C8orf34: variants seen among roughly 807,000 people sequenced by gnomAD.
C8orf34 encodes chromosome 8 open reading frame 34, also known as uncharacterized protein C8orf34.
A neutral mutation model predicts 68.3 loss-of-function variants in C8orf34; 65 were observed. The observed-to-expected ratio is 0.95, with a 90% CI of 0.78 to 1.17. The LOEUF is 1.17. Ranked by LOEUF, C8orf34 falls within the 50% of genes most tolerant of loss-of-function variation. The pLI is 0.00. For missense variants in C8orf34, 664 were observed against 655.4 expected (o/e 1.01, Z -0.14); for synonymous variants, 244 against 241.2 (o/e 1.01, Z -0.11).
In C8orf34 at chr8:68,351,941, T is replaced by G. The variant is rs561995684; in HGVS notation, c.327+20602T>G. 2.0e-5 allele frequency among the ~76,000 whole-genome samples: 3 copies of G among 152,194 alleles called. No homozygotes were observed. The South Asian group carries it at 6.2e-4, about 32-fold the overall frequency. ...ATTGTTTTAATTTATAATTCCCTAA[T>G]GGCATATGATGTTGAACATCTTTTC... On this transcript the variant is annotated intron_variant, in intron 1 of 13. Transcript: ENST00000518698.
At chr8:68,564,372 T>C (rs1816522549) in intron 7 of C8orf34, among the ~76,000 whole-genome samples, 1 of 152,242 alleles carries the variant, frequency 6.6e-6, no homozygotes, top group Admixed American at 6.5e-5. Context: ...AGGAATTTTC[T>C]AGTCAGGCCA....
intron 8 of C8orf34, among the ~76,000 whole-genome samples, chr8:68,651,062 T>C (rs181076022): frequency 6.6e-6 from 1 of 152,336 alleles, no homozygotes; most frequent in East Asian, 1.9e-4. Flanking sequence ...TTTTACCCTC[T>C]CTATCTGCCT....
chr8:68,624,910 C>CTTTTTT (rs5892154), intron 7 of C8orf34, among the ~76,000 whole-genome samples: 1 of 143,712 alleles, frequency 7.0e-6, no homozygotes, highest in Non-Finnish European at 1.5e-5. Flanking sequence ...TAATTTCTTG[C>CTTTTTT]TTTTTTTTTT....
intron 1 of C8orf34, among the ~76,000 whole-genome samples, chr8:68,341,082 C>T (rs375652217): frequency 6.6e-6 from 1 of 152,160 alleles, no homozygotes; most frequent in African/African-American, 2.4e-5. Flanking sequence ...ACTTATAAAC[C>T]ATAGAAATTT....
chr8:68,814,507 A>T (rs1015382512), intron 12 of C8orf34, among the ~76,000 whole-genome samples: 4 of 152,184 alleles, frequency 2.6e-5, no homozygotes, highest in Admixed American at 6.6e-5. Flanking sequence ...TCCAGCATCT[A>T]CCTTCCATAT....
At chr8:68,653,840 A>G (rs1819434352) in intron 8 of C8orf34, among the ~76,000 whole-genome samples, 1 of 152,172 alleles carries the variant, frequency 6.6e-6, no homozygotes, top group Admixed American at 6.5e-5. Flanking sequence ...CATTTCGTCT[A>G]TAATAGCTAC....
At chr8:68,658,380 G>T (rs768800684) in intron 8 of C8orf34, among the ~76,000 whole-genome samples, 27 of 152,032 alleles carry the variant, frequency 1.8e-4, no homozygotes, top group Non-Finnish European at 3.8e-4. Context: ...GGCCATCATT[G>T]TTGCTGGTGG....
chr8:68,796,816 G>GT (rs34422477), intron 12 of C8orf34, among the ~76,000 whole-genome samples: 27,271 of 143,022 alleles, frequency 0.19, 3,335 homozygotes, highest in African/African-American at 0.35. Flanking sequence ...ATATATTTGA[G>GT]TTCTTCTTTT....
chr8:68,349,459 G>A (rs147273371), intron 1 of C8orf34, among the ~76,000 whole-genome samples: 57 of 151,918 alleles, frequency 3.8e-4, no homozygotes, highest in African/African-American at 1.3e-3. Context: ...GTCTTTGCCA[G>A]GTTTTAGTAT....
chr8:68,584,951 G>C (rs1197156180), intron 7 of C8orf34, among the ~76,000 whole-genome samples: 1 of 152,134 alleles, frequency 6.6e-6, no homozygotes, highest in Non-Finnish European at 1.5e-5. Flanking sequence ...CCATGGAAAT[G>C]TAGTGATATG....
chr8:68,404,478 G>C (rs1033048325), intron 1 of C8orf34, among the ~76,000 whole-genome samples: 1 of 151,988 alleles, frequency 6.6e-6, no homozygotes, highest in East Asian at 1.9e-4. Context: ...GTATTGCCTC[G>C]GTTTTCTTCT....
chr8:68,442,842 T>C (rs1810968680), intron 2 of C8orf34, among the ~76,000 whole-genome samples: 2 of 152,158 alleles, frequency 1.3e-5, no homozygotes, highest in Non-Finnish European at 2.9e-5. Flanking sequence ...TATAGTTTCT[T>C]TCAAGTTGTT....
At chr8:68,376,142 G>A (rs1177557854) in intron 1 of C8orf34, among the ~76,000 whole-genome samples, 1 of 144,800 alleles carries the variant, frequency 6.9e-6, no homozygotes, top group African/African-American at 2.7e-5. Flanking sequence ...TGTTGTATGA[G>A]TGAAGGAAGG....
At chr8:68,758,865 T>C (rs1175447671) in intron 10 of C8orf34, among the ~76,000 whole-genome samples, 1 of 152,040 alleles carries the variant, frequency 6.6e-6, no homozygotes, top group Non-Finnish European at 1.5e-5. Context: ...ATAAAAATTG[T>C]TCTAAACTCA....
At chr8:68,377,757 C>A (rs1807865194) in intron 1 of C8orf34, among the ~76,000 whole-genome samples, 1 of 151,990 alleles carries the variant, frequency 6.6e-6, no homozygotes, top group Admixed American at 6.6e-5. Flanking sequence ...TGTTCTCACG[C>A]TGCTATGAAA....
intron 1 of C8orf34, among the ~76,000 whole-genome samples, chr8:68,379,285 G>C (rs555319818): frequency 6.6e-6 from 1 of 152,204 alleles, no homozygotes; most frequent in African/African-American, 2.4e-5. Context: ...AAATTCCAGT[G>C]TTACTTCGGT....
chr8:68,479,076 T>C (rs1812745128), intron 4 of C8orf34, among the ~76,000 whole-genome samples: 2 of 152,174 alleles, frequency 1.3e-5, no homozygotes, highest in Non-Finnish European at 2.9e-5. Context: ...GGTGTATATT[T>C]GCAATAGAAG....
chr8:68,517,324 AT>A (rs1035741373), intron 5 of C8orf34, among the ~76,000 whole-genome samples: 31 of 152,106 alleles, frequency 2.0e-4, no homozygotes, highest in Non-Finnish European at 3.4e-4. Flanking sequence ...TATATTCAAA[AT>A]TTTTCAGAAA....
chr8:68,635,594 G>A (rs1818815827), intron 7 of C8orf34, among the ~76,000 whole-genome samples: 1 of 152,158 alleles, frequency 6.6e-6, no homozygotes, highest in Non-Finnish European at 1.5e-5. Flanking sequence ...AGTATGATGA[G>A]AAGGTATGGG....
Sources: gnomAD v4.1 joint callset for allele counts (sites outside exome capture counted in the v4.1 genomes callset) on GRCh38, gnomAD v4.1.1 for gene constraint, MANE v1.5 for transcripts, NCBI Gene and HGNC (gene_info 2026-07-23, HGNC 2026-07-21) for gene names.